The following GRIP1 variants were observed in gnomAD, a reference collection of about 807,000 sequenced individuals.
GRIP1 encodes the protein glutamate receptor-interacting protein 1.
In GRIP1, 45 loss-of-function variants were observed where a neutral mutation model predicts 129.9. The observed-to-expected ratio is 0.35, with a 90% CI of 0.27 to 0.44. The LOEUF (loss-of-function observed/expected upper bound fraction) is 0.44. GRIP1 is among the 20% of genes least tolerant of loss of function. The probability of loss-of-function intolerance (pLI) is 1.00; values close to 1 mark genes in which losing one functional copy is unlikely to be tolerated. For missense variants in GRIP1, 1,196 were observed against 1,396.8 expected (o/e 0.86, Z 2.29); for synonymous variants, 530 against 520.8 (o/e 1.02, Z -0.24).
intron 7 of GRIP1, among the ~76,000 whole-genome samples, chr12:66,505,081 T>C (rs1024408155): frequency 2.0e-5 from 3 of 152,184 alleles, no homozygotes; most frequent in African/African-American, 7.2e-5. Context: ...TGATACAATA[T>C]ATAACTCCAA....
chr12:66,821,223 T>TA (rs1323419686), intron 1 of GRIP1, among the ~76,000 whole-genome samples: 1 of 152,210 alleles, frequency 6.6e-6, no homozygotes, highest in African/African-American at 2.4e-5. Flanking sequence ...TTCTAGTATA[T>TA]ATAGTAAAAT....
chr12:66,965,145 C>T (rs189139098), intron 1 of GRIP1, among the ~76,000 whole-genome samples: 123 of 152,158 alleles, frequency 8.1e-4, no homozygotes, highest in Non-Finnish European at 1.4e-3. Flanking sequence ...ATAATCGATT[C>T]ATTACCAATC....
At chr12:66,514,449 T>C (rs1215495671) in intron 7 of GRIP1, among the ~76,000 whole-genome samples, 1 of 152,078 alleles carries the variant, frequency 6.6e-6, no homozygotes, top group African/African-American at 2.4e-5. Flanking sequence ...AATTAATATC[T>C]AGAAATTAGT....
intron 1 of GRIP1, among the ~76,000 whole-genome samples, chr12:67,024,862 C>T (rs1053048917): frequency 1.6e-4 from 25 of 152,242 alleles, no homozygotes; most frequent in Middle Eastern, 6.8e-3. Context: ...AGTAATTCCC[C>T]CACTAATAAT....
chr12:66,733,482 T>G (rs1308161323), intron 1 of GRIP1, among the ~76,000 whole-genome samples: 1 of 152,146 alleles, frequency 6.6e-6, no homozygotes, highest in Non-Finnish European at 1.5e-5. Context: ...TTTGCCCTTC[T>G]TCCTCCATGG....
At chr12:67,053,135 A>G (rs1317942811) in intron 1 of GRIP1, among the ~76,000 whole-genome samples, 1 of 152,192 alleles carries the variant, frequency 6.6e-6, no homozygotes, top group Non-Finnish European at 1.5e-5. Context: ...TAGGTTAAAT[A>G]GTCTGCAGGA....
At chr12:66,404,371 T>C (rs928080994) in intron 16 of GRIP1, among the ~76,000 whole-genome samples, 2 of 152,208 alleles carry the variant, frequency 1.3e-5, no homozygotes, top group African/African-American at 4.8e-5. Context: ...CACAACTTCA[T>C]TATTGGTTGC....
intron 1 of GRIP1, among the ~76,000 whole-genome samples, chr12:66,616,621 G>T (rs1418479510): frequency 1.3e-5 from 2 of 152,052 alleles, no homozygotes; most frequent in African/African-American, 4.8e-5. Flanking sequence ...AAGCAGTGTG[G>T]GGAGAGGATG....
At chr12:66,596,121 C>G (rs1048170404) in intron 2 of GRIP1, among the ~76,000 whole-genome samples, 3 of 152,128 alleles carry the variant, frequency 2.0e-5, no homozygotes, top group African/African-American at 7.2e-5. Flanking sequence ...TTTAACTCTT[C>G]TAAGTACAAT....
intron 1 of GRIP1, among the ~76,000 whole-genome samples, chr12:66,776,488 T>C (rs2037983887): frequency 1.3e-5 from 2 of 152,328 alleles, no homozygotes; most frequent in South Asian, 4.1e-4. Flanking sequence ...CATAGGATTA[T>C]ATAGCATAAT....
chr12:66,367,068 A>G (rs1489377633), intron 23 of GRIP1, among the ~76,000 whole-genome samples: 1 of 152,186 alleles, frequency 6.6e-6, no homozygotes, highest in African/African-American at 2.4e-5. Context: ...TAAGGTGTGC[A>G]AAGAAGTGAG....
chr12:66,752,508 C>G (rs1299098626), intron 1 of GRIP1, among the ~76,000 whole-genome samples: 1 of 152,058 alleles, frequency 6.6e-6, no homozygotes, highest in East Asian at 1.9e-4. Flanking sequence ...ATTTTAAATA[C>G]CTAGAGAACA....
intron 11 of GRIP1, among the ~76,000 whole-genome samples, chr12:66,446,094 G>GCCACCCCC (rs1555185775): frequency 4.3e-5 from 6 of 140,394 alleles, no homozygotes; most frequent in African/African-American, 1.7e-4. Context: ...CATTCCTCCT[G>GCCACCCCC]CCGCCCCCCA....
intron 23 of GRIP1, among the ~76,000 whole-genome samples, chr12:66,361,943 G>GAAGGCCAGGCA (rs2054794853): frequency 6.6e-6 from 1 of 152,074 alleles, no homozygotes; most frequent in South Asian, 2.1e-4. Context: ...CAGGCACACT[G>GAAGGCCAGGCA]TCATTCAGAA....
chr12:66,878,493 T>C (rs1012468989), intron 1 of GRIP1, among the ~76,000 whole-genome samples: 6 of 150,366 alleles, frequency 4.0e-5, no homozygotes, highest in African/African-American at 1.5e-4. Context: ...CAGATTGGAG[T>C]GATGATGTTA....
At chr12:66,868,716 G>A (rs1479638004) in intron 1 of GRIP1, among the ~76,000 whole-genome samples, 1 of 152,044 alleles carries the variant, frequency 6.6e-6, no homozygotes, top group African/African-American at 2.4e-5. Flanking sequence ...CATTATTAAG[G>A]AAACCTGAAG....
chr12:66,447,788 T>C (rs12230621), intron 11 of GRIP1, among the ~76,000 whole-genome samples: 11,720 of 152,204 alleles, frequency 0.077, 1,256 homozygotes, highest in African/African-American at 0.23. Context: ...GATTCTGAAG[T>C]GGCTAAAAAC....
At chr12:66,364,492 G>C (rs1308406762) in intron 23 of GRIP1, among the ~76,000 whole-genome samples, 3 of 151,842 alleles carry the variant, frequency 2.0e-5, no homozygotes, top group Non-Finnish European at 2.9e-5. Context: ...AATTCCTGGC[G>C]GGCCCTGAGA....
chr12:66,550,252 T>A (rs528594168), intron 2 of GRIP1, among the ~76,000 whole-genome samples: 80 of 152,286 alleles, frequency 5.3e-4, no homozygotes, highest in African/African-American at 1.9e-3. Context: ...GGTATCTACT[T>A]ACAGAATGTG....
Sources: allele counts gnomAD v4.1 joint callset (sites outside exome capture counted in the v4.1 genomes callset), GRCh38; gene constraint gnomAD v4.1.1; transcripts MANE v1.5; gene names NCBI Gene and HGNC (gene_info 2026-07-23, HGNC 2026-07-21).